The following RERE variants were observed in gnomAD, a reference collection of about 807,000 sequenced individuals.
The protein encoded by RERE is arginine-glutamic acid dipeptide repeats protein.
A neutral mutation model predicts 146.1 loss-of-function variants in RERE; 40 were observed. That is an observed-to-expected ratio of 0.27 (90% confidence interval 0.21 to 0.36). The LOEUF (loss-of-function observed/expected upper bound fraction) is 0.36, where lower values mean the gene tolerates loss of function less well. RERE is among the 10% of genes least tolerant of loss of function. The probability of loss-of-function intolerance (pLI) is 1.00; values close to 1 mark genes in which losing one functional copy is unlikely to be tolerated. For synonymous variants in RERE, 1,003 were observed against 866.0 expected (o/e 1.16, Z -2.78); for missense variants, 1,933 against 2,138.7 (o/e 0.90, Z 1.90).
chr1:8,357,410 A>G (rs979139073), intron 20 of RERE, among the ~76,000 whole-genome samples: 5 of 152,190 alleles, frequency 3.3e-5, no homozygotes, highest in African/African-American at 1.2e-4. Context: ...GCCTCCAAGC[A>G]AGGTGGCTCC....
chr1:8,708,748 G>C (rs1017293339), intron 1 of RERE, among the ~76,000 whole-genome samples: 2 of 152,098 alleles, frequency 1.3e-5, no homozygotes, highest in African/African-American at 4.8e-5. Flanking sequence ...ACGTGGAACT[G>C]TGAGTCCACT....
At chr1:8,429,369 T>A (rs1194360463) in intron 11 of RERE, among the ~76,000 whole-genome samples, 1 of 152,154 alleles carries the variant, frequency 6.6e-6, no homozygotes, top group Non-Finnish European at 1.5e-5. Context: ...TGTGTTTGCA[T>A]CCCAAGATAT....
intron 11 of RERE, among the ~76,000 whole-genome samples, chr1:8,442,161 G>C (rs1002832139): frequency 6.6e-6 from 1 of 152,148 alleles, no homozygotes; most frequent in Non-Finnish European, 1.5e-5. Context: ...TAGGTGGGCA[G>C]ATTACCTGAG....
chr1:8,526,693 A>G (rs1230283328), intron 7 of RERE, among the ~76,000 whole-genome samples: 2 of 152,222 alleles, frequency 1.3e-5, no homozygotes, highest in Non-Finnish European at 2.9e-5. Flanking sequence ...AAGTAATACT[A>G]GCCCAATCAA....
At chr1:8,703,356 C>T in intron 1 of RERE, 1 of 151,378 alleles carries the variant, frequency 6.6e-6, no homozygotes, top group Non-Finnish European at 1.5e-5. Flanking sequence ...GCACTCAGCT[C>T]GCACTCCTTC....
At chr1:8,385,878 A>C (rs1242315053) in intron 12 of RERE, among the ~76,000 whole-genome samples, 1 of 146,102 alleles carries the variant, frequency 6.8e-6, no homozygotes, top group East Asian at 2.1e-4. Context: ...CTGAGGCAGG[A>C]GAATGGCGTG....
chr1:8,758,002 G>T (rs1399469513), intron 1 of RERE, among the ~76,000 whole-genome samples: 1 of 151,988 alleles, frequency 6.6e-6, no homozygotes, highest in Non-Finnish European at 1.5e-5. Context: ...GAACCTGGAG[G>T]ATACTATGTT....
intron 16 of RERE, among the ~76,000 whole-genome samples, chr1:8,362,309 G>C (rs569274436): frequency 6.6e-6 from 1 of 152,306 alleles, no homozygotes; most frequent in East Asian, 1.9e-4. Flanking sequence ...ACCATGTGTC[G>C]ATGTATATGA....
intron 4 of RERE, among the ~76,000 whole-genome samples, chr1:8,593,444 C>A (rs1160672198): frequency 1.3e-5 from 2 of 152,146 alleles, no homozygotes; most frequent in Non-Finnish European, 2.9e-5. Context: ...AAGGGGAGTT[C>A]CCCTGCACAC....
At chr1:8,452,889 C>T (rs1644404939) in intron 11 of RERE, among the ~76,000 whole-genome samples, 1 of 152,212 alleles carries the variant, frequency 6.6e-6, no homozygotes, top group African/African-American at 2.4e-5. Context: ...TGCACCCGTA[C>T]ACATGCCCAT....
At chr1:8,667,166 T>TCTTC (rs1638594155) in intron 1 of RERE, among the ~76,000 whole-genome samples, 1 of 152,154 alleles carries the variant, frequency 6.6e-6, no homozygotes, top group Admixed American at 6.5e-5. Flanking sequence ...CTTCTCAATT[T>TCTTC]CTTCCAAAAA....
rs1242050266 is a variant in RERE at position 8,605,639 on chromosome 1, C to T, written c.522+8922G>A. 1.4e-5 allele frequency among the ~76,000 whole-genome samples: 2 copies of T among 147,516 alleles called. 1 individual carries two copies. Among genetic ancestry groups the T allele is most frequent in the Admixed American group, 1.4e-4 (2 of 14,220 alleles). Reference sequence around the variant, plus strand: ...TGGCACGTGACTGTAATCTCAGCTACTTGGGAAGCTGAGGCAGGAGAATCA... The same window carrying T: ...TGGCACGTGACTGTAATCTCAGCTATTTGGGAAGCTGAGGCAGGAGAATCA... On this transcript the variant is annotated intron_variant, in intron 4 of 22. Coordinates refer to ENST00000400908, the MANE Select transcript of RERE (RefSeq NM_001042681.2).
chr1:8,445,066 A>G (rs536434425), intron 11 of RERE, among the ~76,000 whole-genome samples: 28 of 152,308 alleles, frequency 1.8e-4, no homozygotes, highest in African/African-American at 6.5e-4. Context: ...AAAAAAGTCA[A>G]TTTAAATTTG....
intron 5 of RERE, among the ~76,000 whole-genome samples, chr1:8,557,194 C>T (rs192459490): frequency 3.9e-4 from 59 of 152,316 alleles, no homozygotes; most frequent in African/African-American, 1.1e-3. Flanking sequence ...GCCCCAGCAA[C>T]GTCCTTAGCA....
intron 12 of RERE, among the ~76,000 whole-genome samples, chr1:8,395,536 C>G (rs1570133970): frequency 1.3e-5 from 2 of 151,512 alleles, no homozygotes; most frequent in South Asian, 4.2e-4. Flanking sequence ...AAAAAGGAAC[C>G]TCTCCTGCTC....
intron 11 of RERE, chr1:8,465,692 C>G (rs150723621): frequency 4.2e-4 from 256 of 614,192 alleles, no homozygotes; most frequent in African/African-American, 4.0e-3. Context: ...TCCTTTCTTT[C>G]CATGAAAGTT....
chr1:8,667,533 T>A (rs1220128045), intron 1 of RERE, among the ~76,000 whole-genome samples: 1 of 152,052 alleles, frequency 6.6e-6, no homozygotes, highest in African/African-American at 2.4e-5. Flanking sequence ...AAAAATTAGC[T>A]GGGCATGGTG....
intron 1 of RERE, among the ~76,000 whole-genome samples, chr1:8,698,696 G>C (rs990629140): frequency 7.2e-5 from 11 of 151,904 alleles, no homozygotes; most frequent in African/African-American, 2.7e-4. Flanking sequence ...TTAATAGATA[G>C]AGACAGGGTC....
intron 10 of RERE, among the ~76,000 whole-genome samples, chr1:8,485,894 A>G (rs1486199683): frequency 6.7e-6 from 1 of 148,650 alleles, no homozygotes; most frequent in East Asian, 2.0e-4. Flanking sequence ...CGCCTCCCAG[A>G]TTCAAGCAAT....
Sources: allele counts gnomAD v4.1 joint callset (sites outside exome capture counted in the v4.1 genomes callset), GRCh38; gene constraint gnomAD v4.1.1; transcripts MANE v1.5; gene names NCBI Gene and HGNC (gene_info 2026-07-23, HGNC 2026-07-21).